PARD3B: variants seen among roughly 807,000 people sequenced by gnomAD.
PARD3B encodes the protein par-3 family cell polarity regulator beta.
A neutral mutation model predicts 130.2 loss-of-function variants in PARD3B; 103 were observed. The ratio of observed to expected loss-of-function variants is 0.79; its 90% CI spans 0.67 to 0.93. The LOEUF (loss-of-function observed/expected upper bound fraction) is 0.93, where lower values mean the gene tolerates loss of function less well. Ranked by LOEUF, PARD3B falls within the 40% of genes least tolerant of loss-of-function variation. The pLI is 0.00. For missense variants in PARD3B, 1,609 were observed against 1,499.2 expected (o/e 1.07, Z -1.21); for synonymous variants, 583 against 553.2 (o/e 1.05, Z -0.76).
intron 1 of PARD3B, among the ~76,000 whole-genome samples, chr2:204,683,687 G>C (rs1023138463): frequency 3.3e-5 from 5 of 151,976 alleles, no homozygotes; most frequent in Non-Finnish European, 1.5e-5. Context: ...GTCTGTTTTT[G>C]TTCAGGGTTA....
At chr2:204,886,048 A>T (rs995967111) in intron 2 of PARD3B, among the ~76,000 whole-genome samples, 3 of 152,052 alleles carry the variant, frequency 2.0e-5, no homozygotes, top group Admixed American at 1.3e-4. Flanking sequence ...TCCCATCGTT[A>T]TTTTCTGTTC....
At chr2:205,204,516 T>A (rs1233956481) in intron 15 of PARD3B, among the ~76,000 whole-genome samples, 1 of 152,320 alleles carries the variant, frequency 6.6e-6, no homozygotes, top group South Asian at 2.1e-4. Flanking sequence ...AGACATGAAG[T>A]CTTTGCCCAT....
chr2:205,393,208 A>G (rs1286480249), intron 18 of PARD3B, among the ~76,000 whole-genome samples: 2 of 152,212 alleles, frequency 1.3e-5, no homozygotes, highest in African/African-American at 2.4e-5. Flanking sequence ...GAAACCTTTT[A>G]TAGGGTGAAT....
chr2:204,939,824 A>C (rs1396229252), intron 2 of PARD3B, among the ~76,000 whole-genome samples: 1 of 152,222 alleles, frequency 6.6e-6, no homozygotes, highest in Non-Finnish European at 1.5e-5. Context: ...AATGTATAAT[A>C]GTCAAAAATG....
intron 4 of PARD3B, among the ~76,000 whole-genome samples, chr2:205,074,775 C>T (rs950152956): frequency 5.9e-5 from 9 of 152,092 alleles, no homozygotes; most frequent in Non-Finnish European, 5.9e-5. Context: ...ATTTCACAGG[C>T]GCTCAAAAGA....
chr2:204,918,936 G>T (rs1372516545), intron 2 of PARD3B, among the ~76,000 whole-genome samples: 2 of 151,304 alleles, frequency 1.3e-5, no homozygotes, highest in African/African-American at 4.9e-5. Context: ...ATTATACCCA[G>T]TCTTCATTTA....
intron 1 of PARD3B, among the ~76,000 whole-genome samples, chr2:204,563,213 C>T (rs973016866): frequency 1.4e-5 from 2 of 140,446 alleles, no homozygotes; most frequent in African/African-American, 2.7e-5. Context: ...GCCGTCTTCC[C>T]GCTGTCTCTC....
At position 204,809,291 on chromosome 2, in the gene PARD3B, G is replaced by A. The variant is rs140417824; in HGVS notation, c.222+123009G>A. Among the ~76,000 whole-genome samples the A allele has an allele frequency of 5.0e-3, 758 of 152,100 alleles. 9 individuals carry two copies. Among genetic ancestry groups the A allele is most frequent in the African/African-American group, 0.017 (690 of 41,532 alleles). On this transcript the variant is annotated intron_variant, in intron 2 of 22. Coordinates refer to ENST00000406610, the MANE Select transcript of PARD3B (RefSeq NM_001302769.2). ...GCACTTAAGTTTAATTACATCCCAT[G>A]TGTCAATTTTTGCTTTTGTTACAAT... is the stretch of plus-strand genomic sequence containing the variant.
intron 3 of PARD3B, among the ~76,000 whole-genome samples, chr2:204,999,830 T>G (rs1272265348): frequency 6.6e-6 from 1 of 152,154 alleles, no homozygotes; most frequent in Non-Finnish European, 1.5e-5. Context: ...ACCTGAACTT[T>G]TGGAGTGATA....
intron 2 of PARD3B, among the ~76,000 whole-genome samples, chr2:204,704,678 T>C (rs149066498): frequency 6.6e-6 from 1 of 152,126 alleles, no homozygotes; most frequent in South Asian, 2.1e-4. Context: ...TTATCAGAGA[T>C]TTTACATTTA....
intron 10 of PARD3B, among the ~76,000 whole-genome samples, chr2:205,129,868 C>T (rs1206782500): frequency 6.6e-6 from 1 of 152,112 alleles, no homozygotes; most frequent in Non-Finnish European, 1.5e-5. Context: ...CCATGGTATC[C>T]ATTTCCTGGT....
chr2:204,616,330 A>G (rs958459478), intron 1 of PARD3B, among the ~76,000 whole-genome samples: 13 of 152,194 alleles, frequency 8.5e-5, no homozygotes, highest in Non-Finnish European at 1.3e-4. Context: ...AGACACCTCA[A>G]CAAAGAGGTA....
At chr2:205,238,639 T>C (rs187485588) in intron 15 of PARD3B, among the ~76,000 whole-genome samples, 2,202 of 151,010 alleles carry the variant, frequency 0.015, 58 homozygotes, top group African/African-American at 0.051. Context: ...CGAGACCAGC[T>C]TGACCAACAT....
intron 2 of PARD3B, among the ~76,000 whole-genome samples, chr2:204,860,174 C>T (rs2045124393): frequency 6.6e-6 from 1 of 151,852 alleles, no homozygotes; most frequent in South Asian, 2.1e-4. Context: ...ATATCAATGA[C>T]TGATTATATT....
intron 11 of PARD3B, among the ~76,000 whole-genome samples, chr2:205,161,901 C>T (rs1214414421): frequency 6.6e-6 from 1 of 152,156 alleles, no homozygotes; most frequent in African/African-American, 2.4e-5. Context: ...CCAAATTCTT[C>T]CTGTGCATTC....
At chr2:204,553,651 C>G (rs61074766) in intron 1 of PARD3B, among the ~76,000 whole-genome samples, 2 of 83,430 alleles carry the variant, frequency 2.4e-5, no homozygotes, top group East Asian at 3.1e-4. Context: ...TATATATATC[C>G]ATATATATAT....
At chr2:205,371,548 C>T (rs752454507) in intron 18 of PARD3B, among the ~76,000 whole-genome samples, 1 of 152,072 alleles carries the variant, frequency 6.6e-6, no homozygotes, top group Non-Finnish European at 1.5e-5. Context: ...GATTTGTGTA[C>T]CTATCTATAT....
At chr2:205,561,075 A>G (rs760968191) in intron 22 of PARD3B, among the ~76,000 whole-genome samples, 3 of 152,230 alleles carry the variant, frequency 2.0e-5, no homozygotes, top group East Asian at 1.9e-4. Flanking sequence ...TGCAACAAGC[A>G]TGCTGTCTAC....
At chr2:204,876,921 G>C (rs2045866218) in intron 2 of PARD3B, among the ~76,000 whole-genome samples, 1 of 152,092 alleles carries the variant, frequency 6.6e-6, no homozygotes, top group African/African-American at 2.4e-5. Context: ...GAACTGTGCA[G>C]GTCCACGTAC....
Sources: allele counts gnomAD v4.1 joint callset (sites outside exome capture counted in the v4.1 genomes callset), GRCh38; gene constraint gnomAD v4.1.1; transcripts MANE v1.5; gene names NCBI Gene and HGNC (gene_info 2026-07-23, HGNC 2026-07-21).